The following CLYBL variants were observed in gnomAD, a reference collection of about 807,000 sequenced individuals.
The protein encoded by CLYBL is citramalyl-CoA lyase, mitochondrial.
A neutral mutation model predicts 38.9 loss-of-function variants in CLYBL; 31 were observed. The observed-to-expected ratio is 0.80, with a 90% CI of 0.60 to 1.08. The LOEUF is 1.08. Ranked by LOEUF, CLYBL falls within the 50% of genes least tolerant of loss-of-function variation. The pLI is 0.00. For missense variants in CLYBL, 434 were observed against 411.6 expected (o/e 1.05, Z -0.47); for synonymous variants, 171 against 158.6 (o/e 1.08, Z -0.59).
At chr13:99,795,088 CT>C (rs1270628678) in intron 2 of CLYBL, among the ~76,000 whole-genome samples, 1 of 152,126 alleles carries the variant, frequency 6.6e-6, no homozygotes, top group Non-Finnish European at 1.5e-5. Flanking sequence ...TGGTGTTTTG[CT>C]GATAACAGAG....
intron 1 of CLYBL, among the ~76,000 whole-genome samples, chr13:99,633,259 G>T (rs1236538444): frequency 6.8e-6 from 1 of 147,532 alleles, no homozygotes; most frequent in African/African-American, 2.5e-5. Flanking sequence ...AAGAAATAAG[G>T]CCAGGTGTGG....
chr13:99,779,371 G>A (rs2049591577), intron 2 of CLYBL, among the ~76,000 whole-genome samples: 2 of 152,028 alleles, frequency 1.3e-5, no homozygotes, highest in African/African-American at 4.8e-5. Flanking sequence ...TCAAACTCCT[G>A]ACCTCAGGTG....
intron 7 of CLYBL, 70 bp downstream of exon 7, chr13:99,871,132 T>A: frequency 1.0e-5 from 16 of 1,543,174 alleles, no homozygotes; most frequent in Non-Finnish European, 1.3e-5. Flanking sequence ...GAAACAAATA[T>A]GTTGTGTGAA....
At chr13:99,811,115 T>C (rs1186230596) in intron 2 of CLYBL, among the ~76,000 whole-genome samples, 2 of 152,234 alleles carry the variant, frequency 1.3e-5, no homozygotes, top group East Asian at 3.9e-4. Flanking sequence ...GTGACCTGAT[T>C]TCCATCAATC....
intron 1 of CLYBL, among the ~76,000 whole-genome samples, chr13:99,750,492 G>A (rs1422875792): frequency 6.6e-6 from 1 of 151,976 alleles, no homozygotes; most frequent in Non-Finnish European, 1.5e-5. Flanking sequence ...TGGCCAACAT[G>A]GTGAAACCCC....
At chr13:99,850,473 C>T (rs984795149) in intron 2 of CLYBL, among the ~76,000 whole-genome samples, 5 of 152,188 alleles carry the variant, frequency 3.3e-5, no homozygotes, top group Admixed American at 3.3e-4. Flanking sequence ...CATCACACCA[C>T]TAGGATGGCT....
chr13:99,758,720 A>G (rs1402707209), intron 1 of CLYBL, among the ~76,000 whole-genome samples: 2 of 152,214 alleles, frequency 1.3e-5, no homozygotes, highest in African/African-American at 4.8e-5. Flanking sequence ...AGAGTCTGCA[A>G]CAGAACCTGA....
At chr13:99,859,980 A>G (rs1441883682) in intron 3 of CLYBL, among the ~76,000 whole-genome samples, 1 of 152,052 alleles carries the variant, frequency 6.6e-6, no homozygotes, top group African/African-American at 2.4e-5. Context: ...TGTGGCTGCC[A>G]CCACAGCAAT....
At chr13:99,799,802 AT>A (rs2050095736) in intron 2 of CLYBL, among the ~76,000 whole-genome samples, 1 of 152,212 alleles carries the variant, frequency 6.6e-6, no homozygotes, top group African/African-American at 2.4e-5. Flanking sequence ...GATATCAATC[AT>A]GTCAACACCC....
intron 2 of CLYBL, among the ~76,000 whole-genome samples, chr13:99,801,559 T>C (rs2050136952): frequency 6.6e-6 from 1 of 152,188 alleles, no homozygotes; most frequent in African/African-American, 2.4e-5. Context: ...ATAGACTATT[T>C]CTTGGAAAAG....
At chr13:99,708,301 A>G (rs2048177051) in intron 1 of CLYBL, among the ~76,000 whole-genome samples, 1 of 152,152 alleles carries the variant, frequency 6.6e-6, no homozygotes, top group South Asian at 2.1e-4. Context: ...TGTTTTGTAC[A>G]GTGGTCCCAC....
At chr13:99,676,295 T>TCTCCC (rs906082063) in intron 1 of CLYBL, among the ~76,000 whole-genome samples, 1 of 151,230 alleles carries the variant, frequency 6.6e-6, no homozygotes, top group African/African-American at 2.4e-5. Context: ...TCTTCCCTCC[T>TCTCCC]CTCCCCTCCC....
downstream of CLYBL, chr13:99,893,670 A>ACAGG (rs2052533019): frequency 6.5e-6 from 1 of 153,196 alleles, no homozygotes; most frequent in Non-Finnish European, 1.5e-5. Flanking sequence ...CCCCAGCCCC[A>ACAGG]CAGGCAGCCA....
intron 1 of CLYBL, among the ~76,000 whole-genome samples, chr13:99,743,125 G>A (rs1281439682): frequency 6.7e-6 from 1 of 150,274 alleles, no homozygotes; most frequent in Non-Finnish European, 1.5e-5. Context: ...ACACTACAGT[G>A]TTTAGGATCC....
chr13:99,898,091 C>T (rs559721960), downstream of CLYBL, among the ~76,000 whole-genome samples: 2 of 152,168 alleles, frequency 1.3e-5, no homozygotes, highest in East Asian at 1.9e-4. Flanking sequence ...CAAGAGAGGC[C>T]GAACACTGGC....
intron 1 of CLYBL, among the ~76,000 whole-genome samples, chr13:99,746,141 C>G (rs1005914782): frequency 6.6e-6 from 1 of 151,734 alleles, no homozygotes; most frequent in African/African-American, 2.4e-5. Context: ...ATCAAAGTAC[C>G]CAGTCTTGGG....
chr13:99,723,170 G>A (rs952457027), intron 1 of CLYBL, among the ~76,000 whole-genome samples: 25 of 152,316 alleles, frequency 1.6e-4, no homozygotes, highest in African/African-American at 5.8e-4. Flanking sequence ...TTAAAACACC[G>A]TGTGACTTTC....
At chr13:99,903,808 T>G (rs947818407) in intron 8 of CLYBL, among the ~76,000 whole-genome samples, 53 of 152,212 alleles carry the variant, frequency 3.5e-4, no homozygotes, top group African/African-American at 1.3e-3. Flanking sequence ...TCTGATTTCC[T>G]TACTTACTTT....
chr13:99,624,261 C>T (rs2046839139), intron 1 of CLYBL, among the ~76,000 whole-genome samples: 1 of 152,198 alleles, frequency 6.6e-6, no homozygotes, highest in Non-Finnish European at 1.5e-5. Context: ...ACCCTTTATG[C>T]CTGTGCCCAG....
Sources: allele counts gnomAD v4.1 joint callset (sites outside exome capture counted in the v4.1 genomes callset), GRCh38; gene constraint gnomAD v4.1.1; transcripts MANE v1.5; gene names NCBI Gene and HGNC (gene_info 2026-07-23, HGNC 2026-07-21).